ADAMTS18: variants seen among roughly 807,000 people sequenced by gnomAD.
ADAMTS18 encodes A disintegrin and metalloproteinase with thrombospondin motifs 18.
Under a neutral mutation model 165.9 loss-of-function variants are expected in ADAMTS18, and 157 were observed. The ratio of observed to expected loss-of-function variants is 0.95; its 90% CI spans 0.83 to 1.08. ADAMTS18 has a LOEUF of 1.08. ADAMTS18 is among the 50% of genes least tolerant of loss of function. The pLI is 0.00. For synonymous variants in ADAMTS18, 782 were observed against 578.2 expected (o/e 1.35, Z -5.06); for missense variants, 2,040 against 1,534.0 (o/e 1.33, Z -5.51).
At position 77,419,871 on chromosome 16, in the gene ADAMTS18, C is replaced by T. The variant is rs755060414; in HGVS notation, c.495+11424G>A. Among the ~76,000 whole-genome samples, 5 of 151,482 alleles carry T rather than the reference C, an allele frequency of 3.3e-5. No individual in the cohort carries two copies. The East Asian group carries it at 7.8e-4, about 24-fold the overall frequency. On this transcript the variant is annotated intron_variant, in intron 3 of 22. Coordinates refer to ENST00000282849, the MANE Select transcript of ADAMTS18 (RefSeq NM_199355.4). The stretch of plus-strand genomic sequence containing the variant: ...AAAAATTAGCTGGGTATGGTAGTGG[C>T]GCCTGTAATCCCAGCTACTTGGGAG...
At chr16:77,286,590 T>C (rs2055256227) in intron 22 of ADAMTS18, among the ~76,000 whole-genome samples, 1 of 152,162 alleles carries the variant, frequency 6.6e-6, no homozygotes, top group African/African-American at 2.4e-5. Context: ...GCTAGCTCCA[T>C]AGCTACTGAG....
In ADAMTS18 at chr16:77,283,101, T is replaced by TTAAA. The variant is rs898519935; in HGVS notation, c.*851_*854dup. 1.3e-5 allele frequency: 2 copies of TTAAA among 152,512 alleles called. No homozygotes were observed. Among genetic ancestry groups the TTAAA allele is most frequent in the African/African-American group, 4.8e-5 (2 of 41,400 alleles). 9.4% of individuals were successfully genotyped at this position (152,512 alleles called of 1,614,324 possible). A position where few individuals can be genotyped will look rare whatever the true frequency, so the allele number is the denominator to read the frequency against. On this transcript the variant is annotated 3_prime_UTR_variant, in exon 23 of 23. Transcript: ENST00000282849. ...TCATTTAGCTCCTCCTAGATATTTT[T>TTAAA]TAAATACCAGAAATGGGTATGTAGC...
Position 77,291,260 on chromosome 16 carries a change from A to G in ADAMTS18, c.3402+6T>C, listed in dbSNP as rs1451019624. ...ATAGACACCTCCTCAATCGGCCTGT[A>G]CCCACCTGCTGCCACGGCAATGAAT... On this transcript the variant is annotated splice_donor_region_variant and intron_variant, in intron 21 of 22. Transcript: ENST00000282849. 6.2e-7 allele frequency: 1 copy of G among 1,613,796 alleles called. No homozygotes were observed. Among genetic ancestry groups the G allele is most frequent in the Non-Finnish European group, 8.5e-7 (1 of 1,179,992 alleles).
At chr16:77,367,845 C>T in intron 3 of ADAMTS18, 122 bp from the exon 4 acceptor site, 1 of 1,077,722 alleles carries the variant, frequency 9.3e-7, no homozygotes, top group Non-Finnish European at 1.4e-6. Flanking sequence ...AAGCTTCACA[C>T]ATATTGCCTC....
At chr16:77,382,001 C>G (rs1190156495) in intron 3 of ADAMTS18, among the ~76,000 whole-genome samples, 1 of 152,074 alleles carries the variant, frequency 6.6e-6, no homozygotes. Context: ...CTGAAATGCT[C>G]TTATTCTCTC....
intron 3 of ADAMTS18, among the ~76,000 whole-genome samples, chr16:77,418,450 A>C (rs2057558091): frequency 6.6e-6 from 1 of 152,130 alleles, no homozygotes. Flanking sequence ...TTGCTACTGG[A>C]ATCTAAAGGG....
chr16:77,369,082 G>A (rs1444083342), intron 3 of ADAMTS18, among the ~76,000 whole-genome samples: 1 of 152,202 alleles, frequency 6.6e-6, no homozygotes, highest in South Asian at 2.1e-4. Context: ...GCCTCACCCA[G>A]GAACCTGTGG....
At chr16:77,380,281 G>A (rs1034725637) in intron 3 of ADAMTS18, among the ~76,000 whole-genome samples, 21 of 152,146 alleles carry the variant, frequency 1.4e-4, no homozygotes, top group South Asian at 4.1e-4. Context: ...AACTATAACC[G>A]TCTGTACGGA....
chr16:77,334,128 A>C (rs1263027059), intron 12 of ADAMTS18, among the ~76,000 whole-genome samples: 1 of 110,050 alleles, frequency 9.1e-6, no homozygotes, highest in Non-Finnish European at 1.7e-5. Flanking sequence ...ATTATATATA[A>C]TATATAGTGT....
intron 3 of ADAMTS18, among the ~76,000 whole-genome samples, chr16:77,393,562 G>A (rs113180018): frequency 2.1e-4 from 32 of 152,130 alleles, no homozygotes; most frequent in Non-Finnish European, 4.6e-4. Context: ...GGAAAGATGA[G>A]TGCCCTTATA....
intron 3 of ADAMTS18, among the ~76,000 whole-genome samples, chr16:77,391,659 T>G (rs1035042080): frequency 6.6e-6 from 1 of 152,116 alleles, no homozygotes; most frequent in Non-Finnish European, 1.5e-5. Context: ...TGCAAAGAAA[T>G]TTGTAAATAA....
intron 10 of ADAMTS18, among the ~76,000 whole-genome samples, chr16:77,349,872 C>T (rs1222200801): frequency 1.3e-5 from 2 of 152,158 alleles, no homozygotes; most frequent in Non-Finnish European, 2.9e-5. Context: ...ATCTTCCCCA[C>T]GATTTCTACT....
intron 11 of ADAMTS18, among the ~76,000 whole-genome samples, chr16:77,336,530 C>A (rs1489344902): frequency 1.3e-5 from 2 of 152,198 alleles, no homozygotes; most frequent in African/African-American, 4.8e-5. Flanking sequence ...CAGATAGCAT[C>A]CTTTTTCCTT....
At chr16:77,309,895 G>A (rs1419546653) in intron 16 of ADAMTS18, among the ~76,000 whole-genome samples, 2 of 152,186 alleles carry the variant, frequency 1.3e-5, no homozygotes, top group African/African-American at 4.8e-5. Context: ...CTTCAGGAAA[G>A]CAAGTGTTTT....
intron 18 of ADAMTS18, among the ~76,000 whole-genome samples, chr16:77,296,724 G>A (rs778310275): frequency 4.7e-4 from 71 of 152,090 alleles, no homozygotes; most frequent in Non-Finnish European, 6.0e-4. Context: ...GGTGGCTGAG[G>A]CACAATAATT....
At chr16:77,291,590 T>A in intron 20 of ADAMTS18, 112 bp from the exon 21 acceptor site, 1 of 1,055,610 alleles carries the variant, frequency 9.5e-7, no homozygotes. Flanking sequence ...AGGGATGGGA[T>A]TACACAAGGT....
At chr16:77,332,019 T>C (rs1308158719) in intron 12 of ADAMTS18, among the ~76,000 whole-genome samples, 1 of 152,196 alleles carries the variant, frequency 6.6e-6, no homozygotes, top group Admixed American at 6.5e-5. Context: ...GCTAATGACA[T>C]GTCAGACCCT....
intron 12 of ADAMTS18, 24 bp downstream of exon 12, chr16:77,335,732 A>G (rs750464183): frequency 4.3e-6 from 7 of 1,614,066 alleles, no homozygotes; most frequent in Non-Finnish European, 5.9e-6. Flanking sequence ...CCTTGCAAAG[A>G]CTAACTTTCT....
rs772364406 is a variant in ADAMTS18, at chr16:77,294,918, G to A, written c.3006+5C>T. 6.2e-7 allele frequency: 1 copy of A among 1,614,048 alleles called. No homozygotes were observed. Among genetic ancestry groups the A allele is most frequent in the Non-Finnish European group, 8.5e-7 (1 of 1,179,998 alleles). On this transcript the variant is annotated splice_donor_5th_base_variant and intron_variant, in intron 19 of 22. Transcript: ENST00000282849. ...AATAGTAACTCCCAAGTTTTCTCCT[G>A]TTACCTGAGACCAGGGTCCAAGGCT...
Sources: gnomAD v4.1 joint callset for allele counts (sites outside exome capture counted in the v4.1 genomes callset) on GRCh38, gnomAD v4.1.1 for gene constraint, MANE v1.5 for transcripts, NCBI Gene and HGNC (gene_info 2026-07-23, HGNC 2026-07-21) for gene names.